SGCD: variants seen among roughly 807,000 people sequenced by gnomAD.
SGCD encodes delta-sarcoglycan.
Under a neutral mutation model 36.6 loss-of-function variants are expected in SGCD, and 18 were observed. That is an observed-to-expected ratio of 0.49 (90% CI 0.34 to 0.73). SGCD has a LOEUF of 0.73. Among genes scored for constraint, SGCD ranks in the 30% least tolerant of loss-of-function variants. The probability of loss-of-function intolerance (pLI) is 0.01; values close to 1 mark genes in which losing one functional copy is unlikely to be tolerated. For missense variants in SGCD, 387 were observed against 346.7 expected, an observed-to-expected ratio of 1.12 and a Z score of -0.92; for synonymous variants, 133 against 130.6, an observed-to-expected ratio of 1.02 and a Z score of -0.12.
chr5:155,925,674 G>A (rs574654199), intron 1 of SGCD, among the ~76,000 whole-genome samples: 54 of 152,222 alleles, frequency 3.5e-4, no homozygotes, highest in African/African-American at 1.2e-3. Context: ...GTAGTGCAGT[G>A]GTATAATCAC....
intron 1 of SGCD, among the ~76,000 whole-genome samples, chr5:155,924,162 T>C (rs1290604795): frequency 6.6e-6 from 1 of 152,208 alleles, no homozygotes; most frequent in East Asian, 1.9e-4. Flanking sequence ...AAAGAAAACA[T>C]AGTTGAAAGA....
the SGCD span, among the ~76,000 whole-genome samples, chr5:155,856,893 G>A: frequency 2.6e-5 from 4 of 152,184 alleles, no homozygotes; most frequent in Non-Finnish European, 5.9e-5. Context: ...TACATTGTTG[G>A]TGAGAAGATA....
At chr5:156,511,768 C>G (rs1327144952) in intron 4 of SGCD, among the ~76,000 whole-genome samples, 2 of 152,192 alleles carry the variant, frequency 1.3e-5, no homozygotes, top group Non-Finnish European at 2.9e-5. Context: ...ATTTTCCCCA[C>G]TGTATTCCTC....
intron 3 of SGCD, among the ~76,000 whole-genome samples, chr5:156,166,361 G>A (rs1377238985): frequency 6.6e-6 from 1 of 151,920 alleles, no homozygotes; most frequent in Non-Finnish European, 1.5e-5. Context: ...CTGTCACCCA[G>A]GCTGGAGCGC....
chr5:156,367,332 T>C (rs1361289498), intron 3 of SGCD, among the ~76,000 whole-genome samples: 1 of 152,156 alleles, frequency 6.6e-6, no homozygotes, highest in Non-Finnish European at 1.5e-5. Flanking sequence ...AAAAACTAAC[T>C]TTTCAGTTTT....
At chr5:156,608,967 C>T (rs1326968700) in intron 6 of SGCD, among the ~76,000 whole-genome samples, 11 of 152,204 alleles carry the variant, frequency 7.2e-5, no homozygotes, top group Admixed American at 3.3e-4. Flanking sequence ...TTCCTGAATA[C>T]AGCACACTGA....
chr5:156,016,654 G>T (rs4704921), intron 1 of SGCD, among the ~76,000 whole-genome samples: 6,035 of 152,114 alleles, frequency 0.04, 708 homozygotes, highest in Admixed American at 0.24. Context: ...CATGTTGTAT[G>T]TACTGTCTTG....
At chr5:156,707,594 G>C (rs888328804) in intron 7 of SGCD, among the ~76,000 whole-genome samples, 1 of 152,066 alleles carries the variant, frequency 6.6e-6, no homozygotes, top group Admixed American at 6.6e-5. Flanking sequence ...ATGAAAACTA[G>C]TCTGTATATT....
chr5:156,665,144 G>A (rs1764096417), intron 7 of SGCD, among the ~76,000 whole-genome samples: 2 of 152,158 alleles, frequency 1.3e-5, no homozygotes, highest in Admixed American at 1.3e-4. Flanking sequence ...GGCCAGTATT[G>A]ATAGGCTACT....
the SGCD span, among the ~76,000 whole-genome samples, chr5:155,811,463 C>T: frequency 6.6e-5 from 10 of 152,154 alleles, no homozygotes; most frequent in Admixed American, 2.6e-4. Flanking sequence ...GTCCATTGTT[C>T]AGAACAGTGC....
intron 4 of SGCD, among the ~76,000 whole-genome samples, chr5:156,565,552 G>GT (rs1372838361): frequency 1.3e-5 from 2 of 152,024 alleles, no homozygotes; most frequent in African/African-American, 2.4e-5. Flanking sequence ...CATAAATTCA[G>GT]TTTTTTTATT....
At chr5:156,293,974 C>T (rs556648929) in intron 3 of SGCD, among the ~76,000 whole-genome samples, 33 of 152,196 alleles carry the variant, frequency 2.2e-4, no homozygotes, top group South Asian at 1.7e-3. Flanking sequence ...ACATGAGGTG[C>T]GTTTCCATTT....
chr5:155,860,044 A>T, the SGCD span, among the ~76,000 whole-genome samples: 1 of 152,210 alleles, frequency 6.6e-6, no homozygotes, highest in Non-Finnish European at 1.5e-5. Flanking sequence ...TGCTGTAAAT[A>T]CAGTGCTCTT....
intron 4 of SGCD, among the ~76,000 whole-genome samples, chr5:156,559,949 C>G (rs1200414050): frequency 2.0e-5 from 3 of 152,218 alleles, no homozygotes; most frequent in Admixed American, 2.0e-4. Flanking sequence ...TTATGGGTCT[C>G]TTTATATTTT....
intron 1 of SGCD, among the ~76,000 whole-genome samples, chr5:156,097,206 G>A (rs1421277356): frequency 2.6e-5 from 4 of 151,648 alleles, no homozygotes; most frequent in African/African-American, 9.7e-5. Context: ...ACCCTGTTTG[G>A]TATTCGCTGA....
chr5:156,620,588 T>C (rs1182650054), intron 6 of SGCD, among the ~76,000 whole-genome samples: 1 of 151,648 alleles, frequency 6.6e-6, no homozygotes, highest in South Asian at 2.1e-4. Context: ...AGAGGAGAAA[T>C]AGGGGGAAGT....
At chr5:156,312,352 A>G (rs1164882739) in intron 3 of SGCD, among the ~76,000 whole-genome samples, 1 of 152,204 alleles carries the variant, frequency 6.6e-6, no homozygotes, top group African/African-American at 2.4e-5. Context: ...CACTTCCTTG[A>G]ACATAAATTT....
rs534515352 is a variant in SGCD at position 155,991,282 on chromosome 5, C to A, written c.-282+120858C>A. On this transcript the variant is annotated intron_variant, in intron 1 of 9. Transcript: ENST00000517913. ...AGAATAAATGGTATGCCACTTCAAA[C>A]TTTCATTTAAAGGCTTTCACTGCTT... Among the ~76,000 whole-genome samples, 4 of 152,334 alleles carry A rather than the reference C, an allele frequency of 2.6e-5. No individual in the cohort carries two copies. The South Asian group carries it at 8.3e-4, about 32-fold the overall frequency.
chr5:155,991,421 G>T (rs958670355), intron 1 of SGCD, among the ~76,000 whole-genome samples: 1 of 152,136 alleles, frequency 6.6e-6, no homozygotes, highest in African/African-American at 2.4e-5. Context: ...GCATGACACT[G>T]AGTGTGAATT....
Sources: gnomAD v4.1 joint callset for allele counts (sites outside exome capture counted in the v4.1 genomes callset) on GRCh38, gnomAD v4.1.1 for gene constraint, MANE v1.5 for transcripts, NCBI Gene and HGNC (gene_info 2026-07-23, HGNC 2026-07-21) for gene names.